The following ADGRL3 variants were observed in gnomAD, a reference collection of about 807,000 sequenced individuals.
ADGRL3 encodes the protein calcium-independent alpha-latrotoxin receptor 3.
Under a neutral mutation model 153.5 loss-of-function variants are expected in ADGRL3, and 62 were observed. That is an observed-to-expected ratio of 0.40 (90% CI 0.33 to 0.50). The LOEUF (loss-of-function observed/expected upper bound fraction) is 0.50. Ranked by LOEUF, ADGRL3 falls within the 20% of genes least tolerant of loss-of-function variation. The pLI, the probability that ADGRL3 is intolerant of heterozygous loss-of-function variation, is 0.47. For synonymous variants in ADGRL3, 710 were observed against 672.5 expected (o/e 1.06, Z -0.86); for missense variants, 1,641 against 1,859.4 (o/e 0.88, Z 2.16).
intron 8 of ADGRL3, among the ~76,000 whole-genome samples, chr4:61,770,398 C>T (rs530427496): frequency 1.3e-5 from 2 of 152,122 alleles, no homozygotes; most frequent in East Asian, 3.9e-4. Context: ...AAAGATCACC[C>T]GCAGGTCCTA....
At chr4:61,494,955 C>T (rs1011191726) in intron 2 of ADGRL3, among the ~76,000 whole-genome samples, 7 of 152,064 alleles carry the variant, frequency 4.6e-5, no homozygotes, top group Non-Finnish European at 1.0e-4. Context: ...CTACCACATG[C>T]CAGCACTGTT....
intron 5 of ADGRL3, among the ~76,000 whole-genome samples, chr4:61,635,592 AT>A (rs1226183176): frequency 2.3e-4 from 30 of 130,824 alleles, no homozygotes; most frequent in Non-Finnish European, 4.4e-4. Context: ...GAGGGTTCTG[AT>A]TTTGACCTCA....
rs562129364 is a variant in ADGRL3 at position 61,644,467 on chromosome 4, C to T, written c.474-32359C>T. 3.8e-4 allele frequency among the ~76,000 whole-genome samples: 58 copies of T among 152,272 alleles called. 1 individual carries two copies. Among genetic ancestry groups the T allele is most frequent in the Non-Finnish European group, 8.8e-5 (6 of 68,032 alleles). ...CCTATACACACTGCTTTGAATGCGTCCCAGAGATTCTGGTATGTTGTGTCT... is the reference window on the plus strand; with the variant it reads ...CCTATACACACTGCTTTGAATGCGTTCCAGAGATTCTGGTATGTTGTGTCT... On this transcript the variant is annotated intron_variant, in intron 5 of 26. Transcript: ENST00000683033.
intron 9 of ADGRL3, among the ~76,000 whole-genome samples, chr4:61,849,707 C>G (rs2098178927): frequency 6.6e-6 from 1 of 152,040 alleles, no homozygotes; most frequent in Admixed American, 6.6e-5. Flanking sequence ...GGTTAAATTT[C>G]CAATTCTTTC....
chr4:61,581,694 C>A (rs1417029358), intron 4 of ADGRL3, among the ~76,000 whole-genome samples: 1 of 152,024 alleles, frequency 6.6e-6, no homozygotes. Flanking sequence ...GATCACTCTT[C>A]TGATTCATAG....
At chr4:61,443,578 GATA>G (rs953429816) in intron 2 of ADGRL3, among the ~76,000 whole-genome samples, 11 of 151,976 alleles carry the variant, frequency 7.2e-5, no homozygotes, top group African/African-American at 2.7e-4. Flanking sequence ...CTTTAAAATT[GATA>G]ATGATGTTAC....
intron 8 of ADGRL3, among the ~76,000 whole-genome samples, chr4:61,806,421 TATAA>T (rs1561282765): frequency 6.6e-6 from 1 of 151,744 alleles, no homozygotes; most frequent in South Asian, 2.1e-4. Flanking sequence ...AAATACAATA[TATAA>T]ATTATATTGC....
chr4:61,423,494 G>T (rs1198787104), intron 2 of ADGRL3, among the ~76,000 whole-genome samples: 1 of 152,180 alleles, frequency 6.6e-6, no homozygotes, highest in Non-Finnish European at 1.5e-5. Flanking sequence ...TGGACTTTAT[G>T]CTACATCAAC....
chr4:61,800,432 A>G (rs1372936044), intron 8 of ADGRL3, among the ~76,000 whole-genome samples: 1 of 152,136 alleles, frequency 6.6e-6, no homozygotes, highest in African/African-American at 2.4e-5. Context: ...CCATTAGCTA[A>G]TGATTTTCAT....
intron 2 of ADGRL3, among the ~76,000 whole-genome samples, chr4:61,432,586 C>CTTTTTA (rs375051807): frequency 9.9e-5 from 1 of 10,124 alleles, no homozygotes; most frequent in African/African-American, 3.8e-4. Context: ...TTCTTTCTTT[C>CTTTTTA]TTTCTTTCTT....
At chr4:61,970,874 T>C (rs2099024550) in intron 17 of ADGRL3, among the ~76,000 whole-genome samples, 1 of 152,164 alleles carries the variant, frequency 6.6e-6, no homozygotes, top group African/African-American at 2.4e-5. Context: ...AGGTGACCTC[T>C]GTGTCTGATG....
intron 4 of ADGRL3, among the ~76,000 whole-genome samples, chr4:61,558,156 T>C (rs1040652706): frequency 1.0e-4 from 13 of 130,094 alleles, no homozygotes; most frequent in Non-Finnish European, 1.6e-4. Flanking sequence ...TATATATATA[T>C]ACACATATGT....
At chr4:61,244,773 A>G (rs1756369637) in intron 1 of ADGRL3, among the ~76,000 whole-genome samples, 1 of 152,034 alleles carries the variant, frequency 6.6e-6, no homozygotes, top group African/African-American at 2.4e-5. Context: ...AGAGAAGTAG[A>G]CAAATTGGTC....
At chr4:61,850,486 A>T (rs1188985354) in intron 9 of ADGRL3, among the ~76,000 whole-genome samples, 1 of 152,168 alleles carries the variant, frequency 6.6e-6, no homozygotes, top group South Asian at 2.1e-4. Flanking sequence ...TAGTGAAATG[A>T]CAAATTTAAC....
intron 1 of ADGRL3, among the ~76,000 whole-genome samples, chr4:61,248,750 C>G (rs1166489142): frequency 6.6e-6 from 1 of 152,086 alleles, no homozygotes; most frequent in African/African-American, 2.4e-5. Context: ...ATTATTTCTC[C>G]TTGAAATGTT....
chr4:61,611,289 G>A (rs960357027), intron 5 of ADGRL3, among the ~76,000 whole-genome samples: 18 of 152,070 alleles, frequency 1.2e-4, no homozygotes, highest in African/African-American at 3.9e-4. Context: ...GATCACCATT[G>A]CTTCCAGTCA....
chr4:61,744,750 C>A (rs2151959876), intron 8 of ADGRL3, among the ~76,000 whole-genome samples: 1 of 152,190 alleles, frequency 6.6e-6, no homozygotes, highest in African/African-American at 2.4e-5. Context: ...GTAGATAAAA[C>A]CACAAAGATG....
At chr4:61,886,480 AAAAG>A (rs1337233048) in intron 9 of ADGRL3, among the ~76,000 whole-genome samples, 1 of 152,236 alleles carries the variant, frequency 6.6e-6, no homozygotes, top group Non-Finnish European at 1.5e-5. Flanking sequence ...AAGTTAGCAC[AAAAG>A]AAAGATTTGT....
chr4:61,848,567 A>T (rs2098164740), intron 9 of ADGRL3, among the ~76,000 whole-genome samples: 1 of 152,050 alleles, frequency 6.6e-6, no homozygotes. Flanking sequence ...CATATTTCCA[A>T]ATAAGGTCAC....
Sources: allele counts gnomAD v4.1 joint callset (sites outside exome capture counted in the v4.1 genomes callset), GRCh38; gene constraint gnomAD v4.1.1; transcripts MANE v1.5; gene names NCBI Gene and HGNC (gene_info 2026-07-23, HGNC 2026-07-21).